Variants in MBP observed in about 807,000 individuals in gnomAD.
MBP encodes the protein myelin basic protein, also known as Golli-MBP.
A neutral mutation model predicts 35.8 loss-of-function variants in MBP; 16 were observed. The ratio of observed to expected loss-of-function variants is 0.45; its 90% CI spans 0.30 to 0.68. The LOEUF is 0.68. MBP is among the 30% of genes least tolerant of loss of function. MBP has a pLI of 0.08. For missense variants in MBP, 380 were observed against 404.7 expected (o/e 0.94, Z 0.52); for synonymous variants, 143 against 159.6 (o/e 0.90, Z 0.78).
Position 76,979,837 on chromosome 18 carries a change from A to G in MBP, c.*590T>C, listed in dbSNP as rs963123102. ...CCCTCTCTGTGCTGCCCCACGTTGG[A>G]CTCTAACAGCTGCCCAGCCCGCATG... On this transcript the variant is annotated 3_prime_UTR_variant, in exon 9 of 9. Coordinates refer to ENST00000355994, the MANE Select transcript of MBP (RefSeq NM_001025101.2). The G allele has an allele frequency of 1.6e-6, 1 of 642,790 alleles. No homozygotes were observed. The highest frequency in any genetic ancestry group is 2.8e-6 in the Non-Finnish European group (1 of 357,376). 39.8% of individuals were successfully genotyped at this position (642,790 alleles called of 1,614,324 possible).
At chr18:77,059,305 T>C (rs1297079136) in intron 3 of MBP, among the ~76,000 whole-genome samples, 5 of 152,192 alleles carry the variant, frequency 3.3e-5, no homozygotes, top group Non-Finnish European at 7.3e-5. Flanking sequence ...ATGTTGTTGG[T>C]TGAAAGATCA....
chr18:77,102,695 C>T lies in MBP; in HGVS notation c.51+2516G>A, dbSNP rs1976084528. ...AAAAACATATGTGGGTGTTTTACAGCGTCAAACAACAGGAAAGAAACTGTA... is the reference window on the plus strand; with the variant it reads ...AAAAACATATGTGGGTGTTTTACAGTGTCAAACAACAGGAAAGAAACTGTA... On this transcript the variant is annotated intron_variant, in intron 2 of 8. Transcript: ENST00000355994. The surrounding 1 kb of genome is among the most constrained non-coding windows in gnomAD (Gnocchi z 4.4). 6.6e-6 allele frequency among the ~76,000 whole-genome samples: 1 copy of T among 152,168 alleles called. No homozygotes were observed. The highest frequency in any genetic ancestry group is 1.9e-4 in the East Asian group (1 of 5,202).
chr18:76,989,909 C>T lies in MBP; in HGVS notation c.681+47G>A. 1 of 1,509,088 alleles carries T rather than the reference C, an allele frequency of 6.6e-7. No individual in the cohort carries two copies. The highest frequency in any genetic ancestry group is 9.2e-7 in the Non-Finnish European group (1 of 1,086,718). 93.5% of individuals were successfully genotyped at this position (1,509,088 alleles called of 1,614,324 possible). ...TGGATGACAGCAGTGGCCAGCACCC[C>T]TCCTCCCCCTCACAGTTGCTACCTC... is the stretch of plus-strand genomic sequence containing the variant. On this transcript the variant is annotated intron_variant, in intron 5 of 8. Transcript: ENST00000355994. The surrounding 1 kb of genome is among the most constrained non-coding windows in gnomAD (Gnocchi z 4.0).
At chr18:77,132,130 C>T (rs1355171104) in intron 1 of MBP, among the ~76,000 whole-genome samples, 2 of 152,154 alleles carry the variant, frequency 1.3e-5, no homozygotes, top group African/African-American at 2.4e-5. Flanking sequence ...CCGCTTTTGA[C>T]CGCCGTCCCC....
intron 4 of MBP, chr18:77,014,254 C>T (rs1013695251): frequency 3.0e-5 from 30 of 985,288 alleles, no homozygotes; most frequent in East Asian, 2.3e-4. Flanking sequence ...GGCTCGGGGG[C>T]GGCCGCTCCA....
At position 76,979,702 on chromosome 18, in the gene MBP, T is replaced by A; in HGVS notation, c.*725A>T. 1 of 524,274 alleles carries A rather than the reference T, an allele frequency of 1.9e-6. No individual in the cohort carries two copies. Among genetic ancestry groups the A allele is most frequent in the Non-Finnish European group, 3.4e-6 (1 of 294,540 alleles). The allele number at this position is 524,274 out of a possible 1,614,324, so 32.5% of individuals were successfully genotyped here. On this transcript the variant is annotated 3_prime_UTR_variant, in exon 9 of 9. Coordinates refer to ENST00000355994, the MANE Select transcript of MBP (RefSeq NM_001025101.2). ...ACCAAATCTCCAGGAAGACCCTGTTTCCTATGTGAGGCCATTGCCCAGCCC... is the reference window on the plus strand; with the variant it reads ...ACCAAATCTCCAGGAAGACCCTGTTACCTATGTGAGGCCATTGCCCAGCCC...
chr18:77,128,650 T>C (rs928839216), intron 1 of MBP, among the ~76,000 whole-genome samples: 3 of 152,232 alleles, frequency 2.0e-5, no homozygotes, highest in African/African-American at 7.2e-5. Context: ...TGTGGCATTG[T>C]ACTATGGTTT....
At position 77,101,494 on chromosome 18, in the gene MBP, C is replaced by A. The variant is rs1325034628; in HGVS notation, c.51+3717G>T. On this transcript the variant is annotated intron_variant, in intron 2 of 8. Coordinates refer to ENST00000355994, the MANE Select transcript of MBP (RefSeq NM_001025101.2). This position sits in a 1 kb window ranked among gnomAD's most constrained non-coding sequence, Gnocchi z 4.3. ...CCATCCGCATGAGTGAATCATGAGT[C>A]AGGAGGGCAGGCTGCCCACTCCTCT... 6.6e-6 allele frequency among the ~76,000 whole-genome samples: 1 copy of A among 152,172 alleles called. No homozygotes were observed. The highest frequency in any genetic ancestry group is 2.4e-5 in the African/African-American group (1 of 41,452).
intron 2 of MBP, among the ~76,000 whole-genome samples, chr18:77,081,035 C>T (rs1974876696): frequency 6.6e-6 from 1 of 152,142 alleles, no homozygotes; most frequent in Admixed American, 6.5e-5. Context: ...TAGAAATGAT[C>T]CCTGAAAGTA....
intron 1 of MBP, among the ~76,000 whole-genome samples, chr18:77,112,376 T>C (rs1255525978): frequency 6.6e-6 from 1 of 152,214 alleles, no homozygotes; most frequent in Non-Finnish European, 1.5e-5. Context: ...CCTGATTGCG[T>C]GTTCATCACG....
chr18:77,074,927 G>C (rs984150777), intron 2 of MBP, among the ~76,000 whole-genome samples: 1 of 152,202 alleles, frequency 6.6e-6, no homozygotes, highest in African/African-American at 2.4e-5. Flanking sequence ...TAATTTACCT[G>C]TAATCAGTTT....
At chr18:77,057,527 C>T (rs916729870) in intron 3 of MBP, among the ~76,000 whole-genome samples, 1 of 152,150 alleles carries the variant, frequency 6.6e-6, no homozygotes, top group Non-Finnish European at 1.5e-5. Context: ...AAAGGCCGTG[C>T]AGTGATTATC....
At chr18:77,034,051 C>G (rs1328083535) in intron 3 of MBP, among the ~76,000 whole-genome samples, 321 of 70,476 alleles carry the variant, frequency 4.6e-3, no homozygotes, top group East Asian at 7.8e-3. Context: ...CCTAATGGGG[C>G]AAAAAAAAAA....
At chr18:77,099,938 G>A (rs922788466) in intron 2 of MBP, among the ~76,000 whole-genome samples, 8 of 152,236 alleles carry the variant, frequency 5.3e-5, no homozygotes, top group African/African-American at 1.7e-4. Flanking sequence ...TGTGGAGTCC[G>A]TTCCCCAGGA....
At chr18:77,082,543 T>C (rs1001267660) in intron 2 of MBP, among the ~76,000 whole-genome samples, 13 of 152,336 alleles carry the variant, frequency 8.5e-5, no homozygotes, top group African/African-American at 2.9e-4. Flanking sequence ...ATTGTGGTGA[T>C]GGTTGCACAA....
At chr18:77,098,168 C>CTTTTT (rs3214873) in intron 2 of MBP, among the ~76,000 whole-genome samples, 31 of 108,522 alleles carry the variant, frequency 2.9e-4, no homozygotes, top group Admixed American at 1.1e-3. Flanking sequence ...CAAGGACTTC[C>CTTTTT]TTTTTTTTTT....
rs759500981 is a variant in MBP, at chr18:76,990,004, G to C, written c.633C>G (p.His211Gln). ...CGGGGTTTTCATCTTGGGTCCGGCC[G>C]TGTGACTTCTGGGGCAGGGAGCCGT... ...AHYGSLPQKSHGRTQDENPVV... is the reference protein window; with the variant it reads ...AHYGSLPQKSQGRTQDENPVV... Residue 211 changes from histidine (H) to glutamine (Q), a missense_variant, in exon 5 of 9, where the codon CAC becomes CAG. Coordinates refer to ENST00000355994, the MANE Select transcript of MBP (RefSeq NM_001025101.2). The C allele has an allele frequency of 9.9e-6, 16 of 1,612,902 alleles. No individual in the cohort carries two copies. The highest frequency in any genetic ancestry group is 1.4e-5 in the Non-Finnish European group (16 of 1,179,972).
intron 3 of MBP, among the ~76,000 whole-genome samples, chr18:77,061,433 CAT>C (rs1973974136): frequency 6.6e-6 from 1 of 152,222 alleles, no homozygotes; most frequent in South Asian, 2.1e-4. Context: ...CACACGTGCA[CAT>C]GTGTTGTTTC....
At chr18:77,041,841 C>A (rs755663500) in intron 3 of MBP, among the ~76,000 whole-genome samples, 4 of 151,426 alleles carry the variant, frequency 2.6e-5, no homozygotes, top group South Asian at 2.1e-4. Context: ...CGACGAGTTA[C>A]TGGGTGCAGC....
Sources: gnomAD v4.1 joint callset for allele counts (sites outside exome capture counted in the v4.1 genomes callset) on GRCh38, gnomAD v4.1.1 for gene constraint, Gnocchi (gnomAD v3.1) non-coding constraint, MANE v1.5 for transcripts, NCBI Gene and HGNC (gene_info 2026-07-23, HGNC 2026-07-21) for gene names.